The following PGR variants were observed in gnomAD, a reference collection of about 807,000 sequenced individuals.
PGR encodes nuclear receptor subfamily 3 group C member 3.
A neutral mutation model predicts 76.1 loss-of-function variants in PGR; 25 were observed. The observed-to-expected ratio is 0.33, with a 90% CI of 0.24 to 0.46. PGR has a LOEUF of 0.46. Ranked by LOEUF, PGR falls within the 20% of genes least tolerant of loss-of-function variation. The pLI, the probability that PGR is intolerant of heterozygous loss-of-function variation, is 1.00. For missense variants in PGR, 1,172 were observed against 1,225.3 expected (o/e 0.96, Z 0.65); for synonymous variants, 579 against 535.0 (o/e 1.08, Z -1.14).
chr11:101,096,700 T>G (rs1171350621), intron 2 of PGR, among the ~76,000 whole-genome samples: 1 of 152,250 alleles, frequency 6.6e-6, no homozygotes, highest in Non-Finnish European at 1.5e-5. Flanking sequence ...GCTACCATTT[T>G]CTTCAGACAA....
intron 4 of PGR, among the ~76,000 whole-genome samples, chr11:101,060,192 CGTGTGT>C (rs35939398): frequency 5.6e-4 from 85 of 150,794 alleles, no homozygotes; most frequent in African/African-American, 2.0e-3. Context: ...TGTGTGTGTG[CGTGTGT>C]GTGTGTGTGT....
At chr11:101,051,363 CT>C (rs1212229139) in intron 5 of PGR, 60 bp downstream of exon 5, 12 of 1,116,194 alleles carry the variant, frequency 1.1e-5, no homozygotes, top group African/African-American at 1.5e-5. Flanking sequence ...TGAAATATAA[CT>C]TTCAAAATTA....
At chr11:101,119,876 G>C (rs1284109333) in intron 2 of PGR, among the ~76,000 whole-genome samples, 2 of 152,178 alleles carry the variant, frequency 1.3e-5, no homozygotes, top group African/African-American at 4.8e-5. Flanking sequence ...AGATACAGAA[G>C]TTAGAGTCAG....
At chr11:101,052,269 C>CTGTGTGTGTGTG (rs55925008) in intron 4 of PGR, among the ~76,000 whole-genome samples, 3 of 141,844 alleles carry the variant, frequency 2.1e-5, no homozygotes, top group African/African-American at 5.4e-5. Flanking sequence ...GATTTAGAAT[C>CTGTGTGTGTGTG]TGTGTGTGTG....
At chr11:101,105,495 C>CT (rs377349747) in intron 2 of PGR, among the ~76,000 whole-genome samples, 19,202 of 136,560 alleles carry the variant, frequency 0.14, 1,568 homozygotes, top group Non-Finnish European at 0.2. Flanking sequence ...TAGCATATTC[C>CT]TTTTTTTTTT....
intron 2 of PGR, among the ~76,000 whole-genome samples, chr11:101,109,428 A>G (rs1862275135): frequency 6.6e-6 from 1 of 152,208 alleles, no homozygotes; most frequent in East Asian, 1.9e-4. Flanking sequence ...AAGCAAAAAA[A>G]CAAAACAAAA....
Position 101,045,665 on chromosome 11 carries a change from T to TTGTG in PGR, c.2489-3567_2489-3564dup, listed in dbSNP as rs5794091. On this transcript the variant is annotated intron_variant, in intron 6 of 7. Transcript: ENST00000325455. Reference sequence around the variant, plus strand: ...TTTGATTGCTGAATACTATTCCATTTTGTGTGTGTGTGTGTGTGTGTGTGT... The same window carrying TTGTG: ...TTTGATTGCTGAATACTATTCCATTTTGTGTGTGTGTGTGTGTGTGTGTGTGTGT... Among the ~76,000 whole-genome samples, 1,250 of 149,228 alleles carry TTGTG rather than the reference T, an allele frequency of 8.4e-3. 6 individuals are homozygous for TTGTG. The highest frequency in any genetic ancestry group is 0.031 in the Middle Eastern group (9 of 292).
intron 7 of PGR, 159 bp downstream of exon 7, chr11:101,041,786 A>T (rs571367740): frequency 8.1e-5 from 52 of 643,856 alleles, no homozygotes; most frequent in Non-Finnish European, 1.2e-4. Context: ...AATGAAAAAA[A>T]AACACAATAA....
At chr11:101,107,317 T>C (rs1296941748) in intron 2 of PGR, among the ~76,000 whole-genome samples, 2 of 152,218 alleles carry the variant, frequency 1.3e-5, no homozygotes, top group African/African-American at 4.8e-5. Context: ...CATCTATCTT[T>C]CCTGAAGCTG....
chr11:101,085,300 C>A (rs1010293982), intron 3 of PGR, among the ~76,000 whole-genome samples: 1 of 151,728 alleles, frequency 6.6e-6, no homozygotes, highest in Non-Finnish European at 1.5e-5. Flanking sequence ...ACAAACCACA[C>A]AATTACATGG....
Position 101,127,794 on chromosome 11 carries a change from G to T in PGR, c.1277C>A (p.Pro426Gln). Residue 426 changes from proline (P) to glutamine (Q), a missense_variant, in exon 1 of 8, where the codon CCG (proline) becomes CAG (glutamine). Pro to Gln is a moderately conservative substitution (Grantham distance 76, BLOSUM62 -1). This residue lies in a region of PGR where 893 missense variants were observed against 785.9 expected (regional missense o/e 1.14). Transcript: ENST00000325455. ...GGGTCTGGATGGGGTCGCTCGCGGC[G>T]GCAGCGGGGGCGGTGGCCCCAACGG... ...DFPLGPPPPL[P>Q]PRATPSRPGE... 1.3e-6 allele frequency: 2 copies of T among 1,565,044 alleles called. No homozygotes were observed. The highest frequency in any genetic ancestry group is 1.7e-6 in the Non-Finnish European group (2 of 1,163,658).
Position 101,127,368 on chromosome 11 carries a change from G to GGCC in PGR, c.1637+63_1637+65dup, listed in dbSNP as rs961061509. The GGCC allele has an allele frequency of 8.6e-6, 11 of 1,276,042 alleles. No homozygotes were observed. In the African/African-American group the frequency reaches 9.5e-5, roughly 11 times the overall value. The allele number at this position is 1,276,042 out of a possible 1,614,324, so 79.0% of individuals were successfully genotyped here. On this transcript the variant is annotated intron_variant, in intron 1 of 7. Coordinates refer to ENST00000325455, the MANE Select transcript of PGR (RefSeq NM_000926.4). The stretch of plus-strand genomic sequence containing the variant: ...GCTGGGGCTGGGGCTGAGGGTTGGC[G>GGCC]GCCGCCGCCGCCAACGGAACCGCTA...
At chr11:101,103,047 G>A (rs1309589796) in intron 2 of PGR, among the ~76,000 whole-genome samples, 1 of 151,620 alleles carries the variant, frequency 6.6e-6, no homozygotes. Flanking sequence ...AGCTCAGGCA[G>A]TAATGCTCAC....
chr11:101,099,900 T>A (rs1861944758), intron 2 of PGR, among the ~76,000 whole-genome samples: 1 of 152,184 alleles, frequency 6.6e-6, no homozygotes, highest in South Asian at 2.1e-4. Flanking sequence ...CAAAATCAGC[T>A]GTCATTGGGT....
At chr11:101,068,258 A>T (rs1471337916) in intron 3 of PGR, among the ~76,000 whole-genome samples, 1 of 152,106 alleles carries the variant, frequency 6.6e-6, no homozygotes, top group Non-Finnish European at 1.5e-5. Flanking sequence ...TCATGAGTGA[A>T]CTCCCATTCA....
intron 3 of PGR, among the ~76,000 whole-genome samples, chr11:101,064,489 A>G (rs1860642037): frequency 6.6e-6 from 1 of 151,886 alleles, no homozygotes; most frequent in African/African-American, 2.4e-5. Context: ...TTTCTGGGGG[A>G]AGGAATGAGT....
intron 3 of PGR, among the ~76,000 whole-genome samples, chr11:101,066,483 G>A (rs1860721566): frequency 6.6e-6 from 1 of 152,068 alleles, no homozygotes; most frequent in African/African-American, 2.4e-5. Context: ...CTTTCTAGGT[G>A]TCTGCATCTA....
At chr11:101,113,728 C>T (rs573781407) in intron 2 of PGR, among the ~76,000 whole-genome samples, 6 of 152,114 alleles carry the variant, frequency 3.9e-5, no homozygotes, top group Non-Finnish European at 8.8e-5. Flanking sequence ...AGATAGTAAA[C>T]AATTCCAAGT....
At chr11:101,112,662 G>A (rs938858922) in intron 2 of PGR, among the ~76,000 whole-genome samples, 1 of 152,168 alleles carries the variant, frequency 6.6e-6, no homozygotes, top group African/African-American at 2.4e-5. Context: ...GGGACTGTCT[G>A]CAGGGCAGAT....
Sources: gnomAD v4.1 joint callset for allele counts (sites outside exome capture counted in the v4.1 genomes callset) on GRCh38, gnomAD v4.1.1 for gene constraint, gnomAD v4.1.1 regional missense constraint, MANE v1.5 for transcripts, NCBI Gene and HGNC (gene_info 2026-07-23, HGNC 2026-07-21) for gene names.